Variants in GALK2 observed in about 807,000 individuals in gnomAD.
The protein encoded by GALK2 is N-acetylgalactosamine kinase.
In GALK2, 36 loss-of-function variants were observed where a neutral mutation model predicts 52.4. The observed-to-expected ratio is 0.69, with a 90% CI of 0.53 to 0.91. GALK2 has a LOEUF of 0.91. Ranked by LOEUF, GALK2 falls within the 40% of genes least tolerant of loss-of-function variation. The pLI, the probability that GALK2 is intolerant of heterozygous loss-of-function variation, is 0.00. For missense variants in GALK2, 579 were observed against 559.1 expected, an observed-to-expected ratio of 1.04 and a Z score of -0.36; for synonymous variants, 176 against 199.1, an observed-to-expected ratio of 0.88 and a Z score of 0.98.
At chr15:49,156,232 T>A in intron 1 of GALK2, 1 of 574,762 alleles carries the variant, frequency 1.7e-6, no homozygotes, top group South Asian at 2.0e-5. Flanking sequence ...AGTTGTAAAC[T>A]GACCTTTACA....
intron 3 of GALK2, among the ~76,000 whole-genome samples, chr15:49,229,857 C>T (rs552852744): frequency 6.6e-6 from 1 of 152,174 alleles, no homozygotes; most frequent in Non-Finnish European, 1.5e-5. Context: ...GGTAGCGTTT[C>T]CTCGGGGCAC....
intron 1 of GALK2, among the ~76,000 whole-genome samples, chr15:49,199,415 A>G (rs1007760056): frequency 6.6e-6 from 1 of 152,168 alleles, no homozygotes; most frequent in African/African-American, 2.4e-5. Context: ...AGGCAGCCGC[A>G]TCTACCAGGT....
At chr15:49,199,351 G>A (rs2087529423) in intron 1 of GALK2, among the ~76,000 whole-genome samples, 1 of 151,936 alleles carries the variant, frequency 6.6e-6, no homozygotes, top group Non-Finnish European at 1.5e-5. Context: ...CAAAGTTTTT[G>A]TATACTTTTA....
At chr15:49,184,049 A>G (rs760480182) in intron 1 of GALK2, among the ~76,000 whole-genome samples, 2 of 152,162 alleles carry the variant, frequency 1.3e-5, no homozygotes, top group East Asian at 1.9e-4. Flanking sequence ...GATCTGTCCA[A>G]TGCTGAAAGT....
chr15:49,362,820 T>A (rs1261484217), intron 3 of GALK2, among the ~76,000 whole-genome samples: 1 of 152,134 alleles, frequency 6.6e-6, no homozygotes, highest in East Asian at 1.9e-4. Context: ...ATGGAAGGGG[T>A]CCAGTTTCAA....
chr15:49,295,309 T>TTC (rs58542204), intron 8 of GALK2, among the ~76,000 whole-genome samples: 40,175 of 145,354 alleles, frequency 0.28, 5,385 homozygotes, highest in South Asian at 0.36. Flanking sequence ...ACAAGCTCAT[T>TTC]TCTCTCTCTC....
At chr15:49,217,038 G>T (rs1403785615) in intron 2 of GALK2, 152 bp from the exon 3 acceptor site, 7 of 571,818 alleles carry the variant, frequency 1.2e-5, no homozygotes, top group Non-Finnish European at 1.8e-5. Context: ...ATCATGGAAG[G>T]GTTCTATTTG....
At chr15:49,221,618 G>A (rs1483648536) in intron 3 of GALK2, among the ~76,000 whole-genome samples, 1 of 151,884 alleles carries the variant, frequency 6.6e-6, no homozygotes, top group African/African-American at 2.4e-5. Flanking sequence ...AGTGAGCCGA[G>A]ATCGTGACAC....
Position 49,229,537 on chromosome 15 carries a change from C to T in GALK2, c.267-6314C>T, listed in dbSNP as rs146693251. On this transcript the variant is annotated intron_variant, in intron 3 of 9. Coordinates refer to ENST00000560031, the MANE Select transcript of GALK2 (RefSeq NM_002044.4). The stretch of plus-strand genomic sequence containing the variant: ...ACGTTGGGTGGGCTCATCTTTAGGT[C>T]TCTGGGAGAGTATTCAGGTGCCAAT... Among the ~76,000 whole-genome samples the T allele has an allele frequency of 5.7e-3, 870 of 152,244 alleles. 4 individuals carry two copies. The highest frequency in any genetic ancestry group is 9.5e-3 in the Non-Finnish European group (647 of 68,014).
chr15:49,245,010 C>T (rs1555413079), intron 5 of GALK2, among the ~76,000 whole-genome samples: 3 of 151,686 alleles, frequency 2.0e-5, no homozygotes, highest in Non-Finnish European at 2.9e-5. Flanking sequence ...ATAGGAAAAA[C>T]AAAAAAGTTT....
At chr15:49,174,734 TTATAAA>T (rs1437240526) in intron 1 of GALK2, among the ~76,000 whole-genome samples, 1 of 152,064 alleles carries the variant, frequency 6.6e-6, no homozygotes, top group East Asian at 1.9e-4. Context: ...TCTATATATA[TTATAAA>T]TATAGTTTCT....
intron 1 of GALK2, among the ~76,000 whole-genome samples, chr15:49,191,206 A>G (rs1037588099): frequency 2.0e-5 from 3 of 152,268 alleles, no homozygotes; most frequent in African/African-American, 7.2e-5. Flanking sequence ...AAAAAATAAT[A>G]CAAAAATAAC....
At position 49,232,388 on chromosome 15, in the gene GALK2, C is replaced by A. The variant is rs117312562; in HGVS notation, c.267-3463C>A. On this transcript the variant is annotated intron_variant, in intron 3 of 9. Transcript: ENST00000560031. The stretch of plus-strand genomic sequence containing the variant: ...CCTGTTCATGAAACCATTCTTCCTT[C>A]TTAGACCTACATGCCTGTGATGGAA... 1.9e-3 allele frequency among the ~76,000 whole-genome samples: 294 copies of A among 152,344 alleles called. 8 individuals are homozygous for A. The East Asian group carries it at 0.053, about 27-fold the overall frequency.
chr15:49,283,102 G>T (rs1054614915), intron 6 of GALK2, among the ~76,000 whole-genome samples: 1 of 152,166 alleles, frequency 6.6e-6, no homozygotes, highest in African/African-American at 2.4e-5. Context: ...ATTCCATGTT[G>T]TTTTTTGCCC....
intron 2 of GALK2, 167 bp from the exon 3 acceptor site, chr15:49,217,023 G>A (rs936053057): frequency 1.5e-5 from 8 of 542,088 alleles, no homozygotes; most frequent in African/African-American, 3.8e-5. Context: ...TCAATTTGGT[G>A]TAAGATCATG....
At chr15:49,271,171 A>T (rs2030522093) in intron 5 of GALK2, among the ~76,000 whole-genome samples, 1 of 152,214 alleles carries the variant, frequency 6.6e-6, no homozygotes, top group Admixed American at 6.5e-5. Context: ...ACCAGCCTTT[A>T]CCACAGGCAT....
intron 3 of GALK2, among the ~76,000 whole-genome samples, chr15:49,348,268 C>A (rs1282116162): frequency 6.6e-6 from 1 of 152,154 alleles, no homozygotes; most frequent in Non-Finnish European, 1.5e-5. Flanking sequence ...CTACCCTCCA[C>A]AAAGCTATTC....
At chr15:49,172,873 G>T (rs910562747) in intron 1 of GALK2, among the ~76,000 whole-genome samples, 4 of 152,016 alleles carry the variant, frequency 2.6e-5, no homozygotes, top group African/African-American at 9.7e-5. Context: ...AAACTTGTTG[G>T]ATTATTGCTA....
chr15:49,327,542 T>C (rs59512031), intron 9 of GALK2: 2,078 of 156,884 alleles, frequency 0.013, 49 homozygotes, highest in African/African-American at 0.048. Context: ...TTGTCCTCAT[T>C]TGGAGTGACC....
Sources: gnomAD v4.1 joint callset for allele counts (sites outside exome capture counted in the v4.1 genomes callset) on GRCh38, gnomAD v4.1.1 for gene constraint, MANE v1.5 for transcripts, NCBI Gene and HGNC (gene_info 2026-07-23, HGNC 2026-07-21) for gene names.